JPH2: variants seen among roughly 807,000 people sequenced by gnomAD.
JPH2 encodes the protein junctophilin 2.
JPH2 carries 38 observed loss-of-function variants against 55.9 expected under a neutral mutation model. The observed-to-expected ratio is 0.68, with a 90% CI of 0.52 to 0.89. The LOEUF (loss-of-function observed/expected upper bound fraction) is 0.89. Ranked by LOEUF, JPH2 falls within the 40% of genes least tolerant of loss-of-function variation. JPH2 has a pLI of 0.00. For synonymous variants in JPH2, 480 were observed against 472.4 expected (o/e 1.02, Z -0.21); for missense variants, 964 against 1,037.6 (o/e 0.93, Z 0.97).
rs535748906 is a variant in JPH2 at position 44,119,436 on chromosome 20, G to C, written c.1170-813C>G. Among the ~76,000 whole-genome samples, 161 of 152,308 alleles carry C rather than the reference G, an allele frequency of 1.1e-3. 1 individual carries two copies. The highest frequency in any genetic ancestry group is 3.8e-3 in the African/African-American group (159 of 41,576). On this transcript the variant is annotated intron_variant, in intron 2 of 5. Transcript: ENST00000372980. ...TACAGATGTAGCTTTTCTCATTGTA[G>C]TGGGTACTTCTGGTGCCCTATGCAG... is the stretch of plus-strand genomic sequence containing the variant.
chr20:44,122,359 A>C (rs1280677582), intron 2 of JPH2, among the ~76,000 whole-genome samples: 2 of 152,052 alleles, frequency 1.3e-5, no homozygotes, highest in Non-Finnish European at 2.9e-5. Context: ...GGACAGAATG[A>C]GATGACCGAG....
At chr20:44,117,265 G>A (rs1352058832) in intron 3 of JPH2, among the ~76,000 whole-genome samples, 2 of 151,856 alleles carry the variant, frequency 1.3e-5, no homozygotes, top group South Asian at 2.1e-4. Context: ...GTGACAGAGC[G>A]AGACTCCGTC....
intron 2 of JPH2, among the ~76,000 whole-genome samples, chr20:44,126,134 A>AAGAGAGAGAG (rs141811286): frequency 0.068 from 3,310 of 48,834 alleles, 261 homozygotes; most frequent in East Asian, 0.11. Flanking sequence ...TCAGAAGAAA[A>AAGAGAGAGAG]AGAGAGAGGG....
chr20:44,151,264 C>T (rs980842007), intron 2 of JPH2, among the ~76,000 whole-genome samples: 4 of 152,174 alleles, frequency 2.6e-5, no homozygotes, highest in African/African-American at 7.2e-5. Flanking sequence ...CGCCTGTAAT[C>T]CCAGCACTGT....
In JPH2 at chr20:44,118,612, G is replaced by C. The variant is rs764133875; in HGVS notation, c.1181C>G (p.Ala394Gly). Residue 394 changes from alanine to glycine, a missense_variant, in exon 3 of 6, where the codon GCC becomes GGC. Ala to Gly is a moderately conservative substitution (Grantham distance 60, BLOSUM62 0). Coordinates refer to ENST00000372980, the MANE Select transcript of JPH2 (RefSeq NM_020433.5). The part of the protein sequence containing the change: ...AEIAASRTSH[A>G]KAKAEAAEQA... ...TTCCGCTGCCTCAGCTTTGGCCTTG[G>C]CGTGGCTTGTCCTATGGAGACAATG... 6.2e-7 allele frequency: 1 copy of C among 1,610,178 alleles called. No individual in the cohort carries two copies. The highest frequency in any genetic ancestry group is 8.5e-7 in the Non-Finnish European group (1 of 1,179,900).
chr20:44,158,989 T>A (rs1319252889), intron 2 of JPH2, among the ~76,000 whole-genome samples: 1 of 152,080 alleles, frequency 6.6e-6, no homozygotes, highest in African/African-American at 2.4e-5. Context: ...ATCTGGGTAG[T>A]TGGACGGGTG....
At chr20:44,145,403 A>G (rs2425620) in intron 2 of JPH2, among the ~76,000 whole-genome samples, 120,786 of 152,020 alleles carry the variant, frequency 0.79, 48,088 homozygotes, top group Admixed American at 0.86. Context: ...TCAAGAGTCC[A>G]AGACCAGCCT....
chr20:44,157,897 C>A lies in JPH2; in HGVS notation c.1169+1721G>T, dbSNP rs185648189. Among the ~76,000 whole-genome samples, 55 of 152,286 alleles carry A rather than the reference C, an allele frequency of 3.6e-4. 1 individual carries two copies. In the East Asian group the frequency reaches 6.9e-3, roughly 19 times the overall value. On this transcript the variant is annotated intron_variant, in intron 2 of 5. Transcript: ENST00000372980. ...CGATTGCCTTTTACCACCCTCCTGC[C>A]AGACCACACTGCTGCTGTCCCTGCT...
At chr20:44,116,518 G>A in intron 3 of JPH2, 132 bp from the exon 4 acceptor site, 1 of 1,005,978 alleles carries the variant, frequency 9.9e-7, no homozygotes, top group Non-Finnish European at 1.5e-6. Flanking sequence ...CCAAGTGCCA[G>A]GCACTGTTCC....
At chr20:44,123,837 G>A (rs149064104) in intron 2 of JPH2, among the ~76,000 whole-genome samples, 49 of 152,312 alleles carry the variant, frequency 3.2e-4, no homozygotes, top group Middle Eastern at 3.4e-3. Flanking sequence ...GGAGAGAAAA[G>A]CCAGCTCCAT....
chr20:44,136,626 A>G (rs1268625947), intron 2 of JPH2, among the ~76,000 whole-genome samples: 1 of 152,148 alleles, frequency 6.6e-6, no homozygotes, highest in South Asian at 2.1e-4. Context: ...ACAGCCAGGG[A>G]AGAGGAAAGC....
intron 3 of JPH2, among the ~76,000 whole-genome samples, chr20:44,117,908 C>CA (rs2072206224): frequency 6.6e-6 from 1 of 152,182 alleles, no homozygotes; most frequent in Non-Finnish European, 1.5e-5. Flanking sequence ...AATCCATGCA[C>CA]AAAAAAGCAG....
intron 2 of JPH2, among the ~76,000 whole-genome samples, chr20:44,139,643 A>G (rs6103646): frequency 0.51 from 76,823 of 152,076 alleles, 19,527 homozygotes; most frequent in East Asian, 0.66. Context: ...AGGAATCTAT[A>G]CATTTGTTTA....
In JPH2 at chr20:44,169,870, C is replaced by T. The variant is rs79937135; in HGVS notation, c.380-9463G>A. ...ATAAGAAGAGGAAGAGAGATCTGAG[C>T]TAGCACACTCGGCCCTCTCATCACA... On this transcript the variant is annotated intron_variant, in intron 1 of 5. Coordinates refer to ENST00000372980, the MANE Select transcript of JPH2 (RefSeq NM_020433.5). 8.3e-3 allele frequency among the ~76,000 whole-genome samples: 1,256 copies of T among 152,186 alleles called. 17 individuals carry two copies. Among genetic ancestry groups the T allele is most frequent in the African/African-American group, 0.029 (1,214 of 41,480 alleles).
chr20:44,156,351 A>C (rs754624146), intron 2 of JPH2, among the ~76,000 whole-genome samples: 10 of 152,212 alleles, frequency 6.6e-5, no homozygotes, highest in Non-Finnish European at 1.3e-4. Context: ...ATCTAAAATT[A>C]TTCCCACCTA....
chr20:44,158,145 A>C (rs1262379898), intron 2 of JPH2, among the ~76,000 whole-genome samples: 2 of 152,240 alleles, frequency 1.3e-5, no homozygotes, highest in African/African-American at 4.8e-5. Context: ...AGTCATGTAA[A>C]GCTGCACCTG....
intron 2 of JPH2, among the ~76,000 whole-genome samples, chr20:44,125,443 A>G (rs2072268847): frequency 1.3e-5 from 2 of 152,234 alleles, no homozygotes; most frequent in Admixed American, 6.5e-5. Flanking sequence ...ATATGGCCTC[A>G]GAGAGCTGGA....
At chr20:44,140,012 C>T (rs1020101877) in intron 2 of JPH2, among the ~76,000 whole-genome samples, 3 of 152,134 alleles carry the variant, frequency 2.0e-5, no homozygotes, top group Admixed American at 6.5e-5. Flanking sequence ...GCTGGGACTA[C>T]AGGCGCGTGC....
At chr20:44,142,232 G>A (rs188126187) in intron 2 of JPH2, among the ~76,000 whole-genome samples, 2 of 152,306 alleles carry the variant, frequency 1.3e-5, no homozygotes, top group East Asian at 3.9e-4. Context: ...TGAGGAAAAT[G>A]TTCTATATCT....
Sources: gnomAD v4.1 joint callset for allele counts (sites outside exome capture counted in the v4.1 genomes callset) on GRCh38, gnomAD v4.1.1 for gene constraint, MANE v1.5 for transcripts, NCBI Gene and HGNC (gene_info 2026-07-23, HGNC 2026-07-21) for gene names.